ANKRD13C: variants seen among roughly 807,000 people sequenced by gnomAD.
The protein encoded by ANKRD13C is ankyrin repeat domain 13C, also known as ankyrin repeat domain-containing protein 13C.
Under a neutral mutation model 65.5 loss-of-function variants are expected in ANKRD13C, and 16 were observed. That is an observed-to-expected ratio of 0.24 (90% CI 0.17 to 0.37). The LOEUF (loss-of-function observed/expected upper bound fraction) is 0.37. Ranked by LOEUF, ANKRD13C falls within the 10% of genes least tolerant of loss-of-function variation. The probability of loss-of-function intolerance (pLI) is 1.00; values close to 1 mark genes in which losing one functional copy is unlikely to be tolerated. For synonymous variants in ANKRD13C, 235 were observed against 238.7 expected, an observed-to-expected ratio of 0.98 and a Z score of 0.14; for missense variants, 503 against 655.9, an observed-to-expected ratio of 0.77 and a Z score of 2.55.
chr1:70,301,194 TACAC>T (rs1161008442), intron 6 of ANKRD13C, among the ~76,000 whole-genome samples: 2 of 146,676 alleles, frequency 1.4e-5, no homozygotes, highest in African/African-American at 5.4e-5. Flanking sequence ...TATATATATA[TACAC>T]ATACACACAC....
At chr1:70,312,322 T>C (rs1439099822) in intron 5 of ANKRD13C, among the ~76,000 whole-genome samples, 4 of 152,074 alleles carry the variant, frequency 2.6e-5, no homozygotes, top group South Asian at 2.1e-4. Context: ...GTTGCATTTA[T>C]TGACCTCCCA....
chr1:70,314,584 G>C (rs1045300279), intron 4 of ANKRD13C, among the ~76,000 whole-genome samples: 9 of 151,918 alleles, frequency 5.9e-5, no homozygotes, highest in Admixed American at 3.3e-4. Context: ...ACTGTTAAGA[G>C]TATATATTCT....
chr1:70,349,603 C>A (rs1682664672), intron 1 of ANKRD13C, among the ~76,000 whole-genome samples: 1 of 151,910 alleles, frequency 6.6e-6, no homozygotes, highest in African/African-American at 2.4e-5. Context: ...AATGCACACA[C>A]ACACCAAAAA....
At chr1:70,337,194 A>C (rs559691126) in intron 1 of ANKRD13C, among the ~76,000 whole-genome samples, 68 of 151,678 alleles carry the variant, frequency 4.5e-4, no homozygotes, top group Middle Eastern at 6.8e-3. Flanking sequence ...TTTGCTCAAT[A>C]AAGGCAGAAT....
At chr1:70,291,701 G>T (rs1043057317) in intron 9 of ANKRD13C, among the ~76,000 whole-genome samples, 2 of 152,148 alleles carry the variant, frequency 1.3e-5, no homozygotes, top group Non-Finnish European at 2.9e-5. Context: ...CAGCTACTCG[G>T]GAGTCTGAGG....
intron 1 of ANKRD13C, among the ~76,000 whole-genome samples, chr1:70,347,728 C>T (rs1490759326): frequency 6.6e-6 from 1 of 152,074 alleles, no homozygotes; most frequent in Non-Finnish European, 1.5e-5. Flanking sequence ...GTTGGAGATG[C>T]ACATGGGGAA....
intron 8 of ANKRD13C, 127 bp downstream of exon 8, chr1:70,296,003 A>C: frequency 9.5e-7 from 1 of 1,047,998 alleles, no homozygotes; most frequent in South Asian, 1.8e-5. Context: ...ATCTGGATTC[A>C]AGGAAGAGAG....
chr1:70,259,754 C>G lies in ANKRD13C; in HGVS notation c.*2963G>C, dbSNP rs1191294508. ...CAAGTTTTACACCAGTTGCTTTTCT[C>G]TAGCATGTTTGTAAATATGGGTAAT... On this transcript the variant is annotated 3_prime_UTR_variant, in exon 13 of 13. Coordinates refer to ENST00000370944, the MANE Select transcript of ANKRD13C (RefSeq NM_030816.5). Among the ~76,000 whole-genome samples, 1 of 152,182 alleles carries G rather than the reference C, an allele frequency of 6.6e-6. No individual in the cohort carries two copies. The highest frequency in any genetic ancestry group is 2.4e-5 in the African/African-American group (1 of 41,450).
intron 2 of ANKRD13C, among the ~76,000 whole-genome samples, chr1:70,329,033 A>C (rs1262567259): frequency 6.6e-6 from 1 of 151,580 alleles, no homozygotes; most frequent in Non-Finnish European, 1.5e-5. Flanking sequence ...GCAAATTACT[A>C]TCTGTAGGGA....
chr1:70,342,739 A>AACACACAC (rs373447795), intron 1 of ANKRD13C, among the ~76,000 whole-genome samples: 125 of 115,356 alleles, frequency 1.1e-3, no homozygotes, highest in South Asian at 2.6e-3. Flanking sequence ...CACACACAAT[A>AACACACAC]ACACACACAC....
Position 70,354,133 on chromosome 1 carries a change from C to T in ANKRD13C, c.276G>A (p.Pro92=). The stretch of plus-strand genomic sequence containing the variant: ...CGGGGTTGGTGCCGGCCAGAAGGGC[C>T]GGGGACTGGGAGTTGGCAGTCACGG... ...NSSVTANSQS[P]ALLAGTNPVA... Residue 92 remains proline, a synonymous_variant, in exon 1 of 13, where the codon CCG becomes CCA. Coordinates refer to ENST00000370944, the MANE Select transcript of ANKRD13C (RefSeq NM_030816.5). The T allele has an allele frequency of 6.2e-7, 1 of 1,613,870 alleles. No homozygotes were observed. Among genetic ancestry groups the T allele is most frequent in the Non-Finnish European group, 8.5e-7 (1 of 1,179,884 alleles).
chr1:70,354,437 C>A lies in ANKRD13C; in HGVS notation c.-29G>T, dbSNP rs768070068. On this transcript the variant is annotated 5_prime_UTR_variant, in exon 1 of 13. Transcript: ENST00000370944. ...CGCCGCCAGGGGCAAGGGGGGGAATCGGGAGGCTCACCGCTGGCGACGGAG... is the reference window on the plus strand; with the variant it reads ...CGCCGCCAGGGGCAAGGGGGGGAATAGGGAGGCTCACCGCTGGCGACGGAG... 6.3e-7 allele frequency: 1 copy of A among 1,594,180 alleles called. No homozygotes were observed. The highest frequency in any genetic ancestry group is 8.5e-7 in the Non-Finnish European group (1 of 1,170,060).
At chr1:70,340,834 C>A (rs942990762) in intron 1 of ANKRD13C, among the ~76,000 whole-genome samples, 1 of 152,088 alleles carries the variant, frequency 6.6e-6, no homozygotes, top group African/African-American at 2.4e-5. Context: ...CTATTGGGGG[C>A]GGGCACGGTG....
intron 1 of ANKRD13C, among the ~76,000 whole-genome samples, chr1:70,337,717 T>C (rs952195121): frequency 6.6e-6 from 1 of 152,204 alleles, no homozygotes. Context: ...TTTGGAGATA[T>C]AAGTGACATT....
At chr1:70,342,141 G>A (rs952671447) in intron 1 of ANKRD13C, among the ~76,000 whole-genome samples, 2 of 151,792 alleles carry the variant, frequency 1.3e-5, no homozygotes, top group Admixed American at 1.3e-4. Context: ...ACTCCATTTT[G>A]GACAAGTTAA....
At chr1:70,287,508 G>A (rs1679675198) in intron 9 of ANKRD13C, among the ~76,000 whole-genome samples, 1 of 152,026 alleles carries the variant, frequency 6.6e-6, no homozygotes, top group South Asian at 2.1e-4. Flanking sequence ...AAACACAGGA[G>A]AAAATTCTAG....
At chr1:70,315,628 G>T in intron 3 of ANKRD13C, 62 bp from the exon 4 acceptor site, 1 of 1,300,168 alleles carries the variant, frequency 7.7e-7, no homozygotes, top group Non-Finnish European at 1.1e-6. Flanking sequence ...AAACACCACT[G>T]GCTTATTATA....
At chr1:70,289,909 G>A (rs1394584661) in intron 9 of ANKRD13C, among the ~76,000 whole-genome samples, 1 of 152,154 alleles carries the variant, frequency 6.6e-6, no homozygotes, top group East Asian at 1.9e-4. Context: ...CCAACAATGG[G>A]AGAAGACAGC....
Position 70,354,265 on chromosome 1 carries a change from T to G in ANKRD13C, c.144A>C (p.Lys48Asn). Residue 48 changes from lysine (K) to asparagine (N), a missense_variant, in exon 1 of 13, where the codon AAA becomes AAC. By Grantham distance (94) the Lys-to-Asn change is moderately conservative (BLOSUM62 0). This residue lies in a region of ANKRD13C where 203 missense variants were observed against 177.6 expected (regional missense o/e 1.14). Transcript: ENST00000370944. ...FTRSRIGKGG[K>N]ACHKIFSNHH... ...GGTTACTGAAGATCTTATGACAAGC[T>G]TTGCCGCCCTTGCCAATCCTGCTTC... 2 of 1,613,648 alleles carry G rather than the reference T, an allele frequency of 1.2e-6. No homozygotes were observed. The highest frequency in any genetic ancestry group is 1.7e-6 in the Non-Finnish European group (2 of 1,180,000).
Sources: gnomAD v4.1 joint callset for allele counts (sites outside exome capture counted in the v4.1 genomes callset) on GRCh38, gnomAD v4.1.1 for gene constraint, gnomAD v4.1.1 regional missense constraint, MANE v1.5 for transcripts, NCBI Gene and HGNC (gene_info 2026-07-23, HGNC 2026-07-21) for gene names.